Variants in FMO1 observed in about 807,000 individuals in gnomAD.
The protein encoded by FMO1 is flavin containing dimethylaniline monoxygenase 1, also known as flavin-containing monooxygenase 1.
In FMO1, 36 loss-of-function variants were observed where a neutral mutation model predicts 45.4. The ratio of observed to expected loss-of-function variants is 0.79; its 90% confidence interval spans 0.61 to 1.05. FMO1 has a LOEUF of 1.05. Ranked by LOEUF, FMO1 falls within the 50% of genes least tolerant of loss-of-function variation. The pLI is 0.00. For synonymous variants in FMO1, 228 were observed against 227.2 expected (o/e 1.00, Z -0.03); for missense variants, 615 against 640.3 (o/e 0.96, Z 0.43).
chr1:171,256,141 C>T (rs1337630301), intron 1 of FMO1, among the ~76,000 whole-genome samples: 2 of 151,674 alleles, frequency 1.3e-5, no homozygotes, highest in South Asian at 2.1e-4. Context: ...GGCATGGTGG[C>T]GGGCGCCTGT....
rs534787324 is a variant in FMO1, at chr1:171,264,573, G to A, written c.133-2970G>A. ...AAAATATGGTCCATGGGCCAGCAGC[G>A]TCTGCATAGGAGCTTCTTATAAATG... On this transcript the variant is annotated intron_variant, in intron 2 of 8. Coordinates refer to ENST00000617670, the MANE Select transcript of FMO1 (RefSeq NM_001282693.2). Among the ~76,000 whole-genome samples the A allele has an allele frequency of 7.9e-5, 12 of 151,948 alleles. No individual in the cohort carries two copies. The South Asian group carries it at 2.5e-3, about 32-fold the overall frequency.
At chr1:171,284,180 A>C (rs906750659) in intron 8 of FMO1, among the ~76,000 whole-genome samples, 1 of 131,330 alleles carries the variant, frequency 7.6e-6, no homozygotes, top group South Asian at 2.3e-4. Flanking sequence ...GTGGCAAAAA[A>C]AAAAAAACAA....
intron 8 of FMO1, among the ~76,000 whole-genome samples, chr1:171,283,879 T>C (rs1661501081): frequency 6.6e-6 from 1 of 152,212 alleles, no homozygotes; most frequent in Non-Finnish European, 1.5e-5. Flanking sequence ...GAAACTGTAA[T>C]GTGGCTCTCA....
At chr1:171,254,313 C>T (rs771754178) in intron 1 of FMO1, among the ~76,000 whole-genome samples, 1 of 152,120 alleles carries the variant, frequency 6.6e-6, no homozygotes, top group Admixed American at 6.5e-5. Flanking sequence ...TGGTTTCGAA[C>T]TTCTGACCTT....
chr1:171,260,826 A>G (rs989297155), intron 2 of FMO1, among the ~76,000 whole-genome samples: 3 of 141,578 alleles, frequency 2.1e-5, no homozygotes, highest in African/African-American at 5.2e-5. Flanking sequence ...GCTACTCAGG[A>G]GGCTGAGGCA....
chr1:171,249,785 A>T (rs1659800305), intron 1 of FMO1, among the ~76,000 whole-genome samples: 1 of 152,120 alleles, frequency 6.6e-6, no homozygotes, highest in African/African-American at 2.4e-5. Context: ...GCTGGATACA[A>T]ATCTGACAGT....
chr1:171,249,041 CCA>C lies in FMO1; in HGVS notation c.-7+419_-7+420del, dbSNP rs1248087100. On this transcript the variant is annotated intron_variant, in intron 1 of 8. Transcript: ENST00000617670. ...GATCATAGTTTTTGAAGGGTGACTA[CCA>C]AATGTTGGCATTTGGCACAAGTGGG... 4.6e-5 allele frequency among the ~76,000 whole-genome samples: 7 copies of C among 151,732 alleles called. No homozygotes were observed. The East Asian group carries it at 9.8e-4, about 21-fold the overall frequency.
chr1:171,269,514 T>C (rs1660762304), intron 3 of FMO1, among the ~76,000 whole-genome samples: 1 of 152,170 alleles, frequency 6.6e-6, no homozygotes, highest in Non-Finnish European at 1.5e-5. Context: ...TGTTCAGTAT[T>C]CCTCCTGAAA....
At chr1:171,252,710 T>G (rs1464327777) in intron 1 of FMO1, among the ~76,000 whole-genome samples, 1 of 152,162 alleles carries the variant, frequency 6.6e-6, no homozygotes, top group Non-Finnish European at 1.5e-5. Flanking sequence ...CAGCCACAGG[T>G]GCACTGTGCT....
intron 4 of FMO1, among the ~76,000 whole-genome samples, chr1:171,277,169 C>T (rs1661144132): frequency 6.6e-6 from 1 of 152,136 alleles, no homozygotes; most frequent in Admixed American, 6.6e-5. Context: ...TTCTCCCAAC[C>T]TCTCTATCTC....
intron 2 of FMO1, among the ~76,000 whole-genome samples, chr1:171,266,602 C>T (rs1044412393): frequency 1.3e-5 from 2 of 152,116 alleles, no homozygotes; most frequent in African/African-American, 2.4e-5. Flanking sequence ...CAGACAGATA[C>T]AGGAATCTAT....
intron 3 of FMO1, among the ~76,000 whole-genome samples, chr1:171,271,956 T>C (rs1660885321): frequency 6.6e-6 from 1 of 152,058 alleles, no homozygotes. Context: ...GAGCCAAATG[T>C]TAATTCCCAA....
Position 171,285,633 on chromosome 1 carries a change from A to C in FMO1, c.*89A>C. The C allele has an allele frequency of 2.5e-6, 2 of 791,756 alleles. No individual in the cohort carries two copies. Among genetic ancestry groups the C allele is most frequent in the Non-Finnish European group, 3.8e-6 (2 of 530,230 alleles). 49.0% of individuals were successfully genotyped at this position (791,756 alleles called of 1,614,324 possible). ...CAGCAATATTGCCTTCACAGTTATAAACTGTATTCAAATAGTAAAGGCCAC... is the reference window on the plus strand; with the variant it reads ...CAGCAATATTGCCTTCACAGTTATACACTGTATTCAAATAGTAAAGGCCAC... On this transcript the variant is annotated 3_prime_UTR_variant, in exon 9 of 9. Coordinates refer to ENST00000617670, the MANE Select transcript of FMO1 (RefSeq NM_001282693.2).
intron 1 of FMO1, among the ~76,000 whole-genome samples, chr1:171,252,690 G>A (rs1659950940): frequency 6.6e-6 from 1 of 152,220 alleles, no homozygotes; most frequent in African/African-American, 2.4e-5. Context: ...GCCTGTGGCA[G>A]CTGCCACCAC....
intron 1 of FMO1, among the ~76,000 whole-genome samples, chr1:171,254,733 T>C (rs530681157): frequency 6.6e-6 from 1 of 152,324 alleles, no homozygotes; most frequent in African/African-American, 2.4e-5. Context: ...CAGTGCTCCC[T>C]AACTCTAGAG....
intron 3 of FMO1, among the ~76,000 whole-genome samples, chr1:171,269,939 A>G (rs1571345348): frequency 6.6e-6 from 1 of 152,234 alleles, no homozygotes; most frequent in East Asian, 1.9e-4. Context: ...AGCAGTCCAT[A>G]TTTAGATAAA....
chr1:171,264,497 G>A (rs900855907), intron 2 of FMO1, among the ~76,000 whole-genome samples: 1 of 151,948 alleles, frequency 6.6e-6, no homozygotes, highest in Non-Finnish European at 1.5e-5. Context: ...ATTCAAAAGT[G>A]TTTATGTGGC....
intron 1 of FMO1, chr1:171,257,837 C>T (rs1172812129): frequency 1.1e-5 from 5 of 467,830 alleles, no homozygotes; most frequent in East Asian, 4.2e-5. Context: ...CCAGAAGCTA[C>T]AGCCTTGACA....
At chr1:171,283,523 C>T (rs1343874788) in intron 8 of FMO1, among the ~76,000 whole-genome samples, 2 of 151,936 alleles carry the variant, frequency 1.3e-5, no homozygotes, top group Non-Finnish European at 2.9e-5. Context: ...CATAATTAAC[C>T]CTAATCTACC....
Sources: gnomAD v4.1 joint callset for allele counts (sites outside exome capture counted in the v4.1 genomes callset) on GRCh38, gnomAD v4.1.1 for gene constraint, MANE v1.5 for transcripts, NCBI Gene and HGNC (gene_info 2026-07-23, HGNC 2026-07-21) for gene names.